Variants in ADGRE5 observed in about 807,000 individuals in gnomAD.
ADGRE5 encodes the protein CD97 molecule.
ADGRE5 carries 72 observed loss-of-function variants against 100.3 expected under a neutral mutation model. The observed-to-expected ratio is 0.72, with a 90% CI of 0.59 to 0.87. The LOEUF is 0.87. Among genes scored for constraint, ADGRE5 ranks in the 40% least tolerant of loss-of-function variants. ADGRE5 has a pLI of 0.00. For synonymous variants in ADGRE5, 439 were observed against 447.8 expected (o/e 0.98, Z 0.25); for missense variants, 959 against 1,094.7 (o/e 0.88, Z 1.75).
chr19:14,387,360 G>A (rs901651430), intron 1 of ADGRE5, among the ~76,000 whole-genome samples: 10 of 152,042 alleles, frequency 6.6e-5, no homozygotes, highest in Non-Finnish European at 1.5e-5. Flanking sequence ...CTGAGGCGGG[G>A]AGGATCGCTT....
intron 1 of ADGRE5, among the ~76,000 whole-genome samples, chr19:14,386,649 G>T (rs555024442): frequency 7.3e-6 from 1 of 137,266 alleles, no homozygotes; most frequent in African/African-American, 2.8e-5. Flanking sequence ...AGCCAAGTTT[G>T]CACCACTGCA....
At position 14,404,336 on chromosome 19, in the gene ADGRE5, G is replaced by C. The variant is rs758108824; in HGVS notation, c.1450-47G>C. The C allele has an allele frequency of 3.2e-6, 5 of 1,566,416 alleles. No homozygotes were observed. The East Asian group carries it at 1.1e-4, about 35-fold the overall frequency. ...GACTCAGCCCAAGCCCAGGACCTAA[G>C]AGTGAGCTCCAGGCCAACCTTTCTG... On this transcript the variant is annotated intron_variant, in intron 12 of 19. Transcript: ENST00000242786.
intron 4 of ADGRE5, among the ~76,000 whole-genome samples, chr19:14,392,182 G>A (rs1226157503): frequency 6.6e-6 from 1 of 151,736 alleles, no homozygotes; most frequent in East Asian, 1.9e-4. Flanking sequence ...GCCAAGGTGG[G>A]AGGATCACTT....
chr19:14,388,501 G>A lies in ADGRE5; in HGVS notation c.73+1G>A. ...GGAGCTGAAACCCAGGACTCCAGGGGTGAGTCTGCTGGGAAGCAGAAAGCA... is the reference window on the plus strand; with the variant it reads ...GGAGCTGAAACCCAGGACTCCAGGGATGAGTCTGCTGGGAAGCAGAAAGCA... On this transcript the variant is annotated splice_donor_variant, in intron 2 of 19. Coordinates refer to ENST00000242786, the MANE Select transcript of ADGRE5 (RefSeq NM_078481.4). LOFTEE classifies it high-confidence loss of function. 1 of 1,591,552 alleles carries A rather than the reference G, an allele frequency of 6.3e-7. No homozygotes were observed. The highest frequency in any genetic ancestry group is 2.3e-5 in the East Asian group (1 of 44,312).
intron 1 of ADGRE5, 128 bp from the exon 2 acceptor site, chr19:14,388,322 A>G: frequency 6.8e-7 from 1 of 1,471,690 alleles, no homozygotes. Flanking sequence ...ACATCTGCTC[A>G]CTCTGAACGA....
In ADGRE5 at chr19:14,408,308, T is replaced by G; in HGVS notation, c.*187T>G. 1.5e-6 allele frequency: 1 copy of G among 676,290 alleles called. No homozygotes were observed. Among genetic ancestry groups the G allele is most frequent in the Non-Finnish European group, 2.6e-6 (1 of 384,766 alleles). 41.9% of individuals were successfully genotyped at this position (676,290 alleles called of 1,614,324 possible). A position where few individuals can be genotyped will look rare whatever the true frequency, so the allele number is the denominator to read the frequency against. On this transcript the variant is annotated 3_prime_UTR_variant, in exon 20 of 20. Transcript: ENST00000242786. Reference sequence around the variant, plus strand: ...GTCCAGGACACCCAGTGGGGTGGAGTCGGAGCCACTGGTCCTGCTGCTGGC... The same window carrying G: ...GTCCAGGACACCCAGTGGGGTGGAGGCGGAGCCACTGGTCCTGCTGCTGGC...
At chr19:14,385,694 G>A (rs1427773793) in intron 1 of ADGRE5, among the ~76,000 whole-genome samples, 1 of 152,140 alleles carries the variant, frequency 6.6e-6, no homozygotes, top group African/African-American at 2.4e-5. Context: ...TGTGGGTGTG[G>A]TGTGTGTGCA....
chr19:14,405,873 C>G lies in ADGRE5; in HGVS notation c.1755C>G (p.His585Gln). The G allele has an allele frequency of 6.2e-7, 1 of 1,612,792 alleles. No individual in the cohort carries two copies. Among genetic ancestry groups the G allele is most frequent in the East Asian group, 2.2e-5 (1 of 44,874 alleles). Reference protein sequence around the residue: ...IQGSRTTIHLHLCICLFVGST... With the variant: ...IQGSRTTIHLQLCICLFVGST... ...GCTCGCGCACCACCATACACCTGCA[C>G]CTCTGCATCTGCCTCTTCGTGGGCT... The change falls in exon 14 of 20, where the codon CAC (histidine) becomes CAG (glutamine). Residue 585 changes from histidine (H) to glutamine (Q), a missense_variant. Around this residue, in one of 6 missense-constraint regions of ADGRE5, gnomAD observed 428 missense variants for 386.2 expected, o/e 1.11. Coordinates refer to ENST00000242786, the MANE Select transcript of ADGRE5 (RefSeq NM_078481.4).
intron 9 of ADGRE5, among the ~76,000 whole-genome samples, chr19:14,400,572 G>T (rs565327970): frequency 6.6e-6 from 1 of 151,768 alleles, no homozygotes; most frequent in Non-Finnish European, 1.5e-5. Flanking sequence ...CAGGCAGATC[G>T]CCTGAGGTCA....
Position 14,408,369 on chromosome 19 carries a change from ACAGGGGCTGGCC to A in ADGRE5, c.*254_*265del. On this transcript the variant is annotated 3_prime_UTR_variant, in exon 20 of 20. Coordinates refer to ENST00000242786, the MANE Select transcript of ADGRE5 (RefSeq NM_078481.4). ...CTCCACCTTGTGACCCAGGGTGGGG[ACAGGGGCTGGCC>A]CAGGGCTGCAATGCAGCATGTTGCC... is the stretch of plus-strand genomic sequence containing the variant. 1 of 613,952 alleles carries A rather than the reference ACAGGGGCTGGCC, an allele frequency of 1.6e-6. No individual in the cohort carries two copies. Among genetic ancestry groups the A allele is most frequent in the Non-Finnish European group, 2.9e-6 (1 of 342,694 alleles). 38.0% of individuals were successfully genotyped at this position (613,952 alleles called of 1,614,324 possible).
rs2146377470 is a variant in ADGRE5, at chr19:14,406,331, G to A, written c.1822G>A (p.Val608Met). ...LAGIENEGGQ[V>M]GLRCRLVAGL... ...CCGCCCCTCCGTCCCCGCCCCGCAG[G>A]TGGGGCTGCGCTGCCGCCTGGTGGC... The change falls in exon 15 of 20, where the codon GTG becomes ATG. Residue 608 changes from valine (V) to methionine (M), a missense_variant and splice_region_variant. Val to Met is a conservative substitution (Grantham distance 21). This residue lies in a region of ADGRE5 where 428 missense variants were observed against 386.2 expected (regional missense o/e 1.11). Coordinates refer to ENST00000242786, the MANE Select transcript of ADGRE5 (RefSeq NM_078481.4). This position sits in a 1 kb window ranked among gnomAD's most constrained non-coding sequence, Gnocchi z 6.0. The A allele has an allele frequency of 1.3e-6, 2 of 1,559,108 alleles. No homozygotes were observed. Among genetic ancestry groups the A allele is most frequent in the East Asian group, 4.8e-5 (2 of 42,068 alleles).
At position 14,401,556 on chromosome 19, in the gene ADGRE5, G is replaced by T; in HGVS notation, c.1068G>T (p.Ser356=). ...PKGPFTYISP[S]NTELTLMIQE... Reference sequence around the variant, plus strand: ...GCCCCTTCACCTACATTTCCCCTTCGAACACAGGTGAGGCCTTGGCCTGGC... The same window carrying T: ...GCCCCTTCACCTACATTTCCCCTTCTAACACAGGTGAGGCCTTGGCCTGGC... The change falls in exon 10 of 20, where the codon TCG becomes TCT. Residue 356 remains serine (S), a synonymous_variant. Transcript: ENST00000242786. The surrounding 1 kb of genome is among the most constrained non-coding windows in gnomAD (Gnocchi z 4.1). 1 of 1,613,858 alleles carries T rather than the reference G, an allele frequency of 6.2e-7. No homozygotes were observed. Among genetic ancestry groups the T allele is most frequent in the South Asian group, 1.1e-5 (1 of 91,056 alleles).
chr19:14,402,497 G>A (rs1369501702), intron 11 of ADGRE5, 100 bp from the exon 12 acceptor site: 12 of 1,232,040 alleles, frequency 9.7e-6, no homozygotes, highest in South Asian at 4.0e-5. Context: ...TGGCGTCATC[G>A]TGGTGGACTG....
chr19:14,397,916 C>A lies in ADGRE5; in HGVS notation c.800C>A (p.Pro267His), dbSNP rs1424424311. ...ATGACTTTCTCCACCTGGACCCCGC[C>A]CCCTGGAGTCCACAGCCAGGTGAGT... ...EDMTFSTWTPPPGVHSQTLSR... is the reference protein window; with the variant it reads ...EDMTFSTWTPHPGVHSQTLSR... The change falls in exon 8 of 20, where the codon CCC becomes CAC. Residue 267 changes from proline to histidine, a missense_variant. Pro to His is a moderately conservative substitution (Grantham distance 77, BLOSUM62 -2). This residue lies in a region of ADGRE5 where 69 missense variants were observed against 135.0 expected (regional missense o/e 0.51). Coordinates refer to ENST00000242786, the MANE Select transcript of ADGRE5 (RefSeq NM_078481.4). The A allele has an allele frequency of 2.3e-6, 3 of 1,330,014 alleles. No individual in the cohort carries two copies. Among genetic ancestry groups the A allele is most frequent in the East Asian group, 2.5e-5 (1 of 39,992 alleles). The allele number at this position is 1,330,014 out of a possible 1,614,324, so 82.4% of individuals were successfully genotyped here. A position where few individuals can be genotyped will look rare whatever the true frequency, so the allele number is the denominator to read the frequency against.
intron 1 of ADGRE5, among the ~76,000 whole-genome samples, chr19:14,384,539 A>T (rs1238485962): frequency 6.6e-6 from 1 of 152,018 alleles, no homozygotes. Flanking sequence ...TGGGGTCCCC[A>T]GTATTCCCAG....
chr19:14,402,144 A>AT (rs1317294178), intron 11 of ADGRE5, among the ~76,000 whole-genome samples: 1 of 150,212 alleles, frequency 6.7e-6, no homozygotes, highest in Non-Finnish European at 1.5e-5. Context: ...AAAAAAAAAA[A>AT]GTCCAGGCAC....
At chr19:14,390,890 T>C in intron 3 of ADGRE5, 34 bp from the exon 4 acceptor site, 1 of 1,607,996 alleles carries the variant, frequency 6.2e-7, no homozygotes, top group South Asian at 1.1e-5. Context: ...ACTCACATCT[T>C]TGGGAGGTGA....
At position 14,401,048 on chromosome 19, in the gene ADGRE5, T is replaced by C. The variant is rs565448629; in HGVS notation, c.898-338T>C. On this transcript the variant is annotated intron_variant, in intron 9 of 19. Transcript: ENST00000242786. This position sits in a 1 kb window ranked among gnomAD's most constrained non-coding sequence, Gnocchi z 4.1. The stretch of plus-strand genomic sequence containing the variant: ...CTGAGGTGGGAGGATCGCTTGAGTC[T>C]GGGAGGTGGAGGTTGCAGTGAGCTG... Among the ~76,000 whole-genome samples, 27 of 151,928 alleles carry C rather than the reference T, an allele frequency of 1.8e-4. No individual in the cohort carries two copies. Among genetic ancestry groups the C allele is most frequent in the South Asian group, 1.2e-3 (6 of 4,806 alleles).
chr19:14,406,381 G>T lies in ADGRE5; in HGVS notation c.1872G>T (p.Leu624=). 6.3e-7 allele frequency: 1 copy of T among 1,589,562 alleles called. No individual in the cohort carries two copies. The highest frequency in any genetic ancestry group is 2.3e-5 in the East Asian group (1 of 43,648). Residue 624 remains leucine, a synonymous_variant, in exon 15 of 20, where the codon CTG becomes CTT. Transcript: ENST00000242786. The surrounding 1 kb of genome is among the most constrained non-coding windows in gnomAD (Gnocchi z 6.0). ...CCGGGCTGCTGCACTACTGTTTCCT[G>T]GCCGCCTTCTGCTGGATGAGCCTCG... ...LVAGLLHYCF[L]AAFCWMSLEG... is the part of the protein sequence containing the mutation.
Sources: allele counts gnomAD v4.1 joint callset (sites outside exome capture counted in the v4.1 genomes callset), GRCh38; gene constraint gnomAD v4.1.1; regional missense constraint gnomAD v4.1.1; non-coding constraint Gnocchi (gnomAD v3.1); transcripts MANE v1.5; gene names NCBI Gene and HGNC (gene_info 2026-07-23, HGNC 2026-07-21).